PALMD: variants seen among roughly 807,000 people sequenced by gnomAD.
PALMD encodes the protein paralemmin-like protein.
Under a neutral mutation model 56.2 loss-of-function variants are expected in PALMD, and 42 were observed. The ratio of observed to expected loss-of-function variants is 0.75; its 90% CI spans 0.58 to 0.97. The LOEUF (loss-of-function observed/expected upper bound fraction) is 0.97. Among genes scored for constraint, PALMD ranks in the 50% least tolerant of loss-of-function variants. The probability of loss-of-function intolerance (pLI) is 0.00; values close to 1 mark genes in which losing one functional copy is unlikely to be tolerated. For synonymous variants in PALMD, 242 were observed against 222.9 expected (o/e 1.09, Z -0.76); for missense variants, 660 against 643.8 (o/e 1.03, Z -0.27).
intron 1 of PALMD, among the ~76,000 whole-genome samples, chr1:99,657,106 T>A (rs1424270414): frequency 6.6e-6 from 1 of 152,174 alleles, no homozygotes; most frequent in African/African-American, 2.4e-5. Flanking sequence ...TTAGCCTCCT[T>A]TTCTTTTCAT....
chr1:99,679,198 G>A (rs1028708423), intron 3 of PALMD, among the ~76,000 whole-genome samples: 3 of 152,108 alleles, frequency 2.0e-5, no homozygotes, highest in Non-Finnish European at 4.4e-5. Context: ...TCCCTTCAAA[G>A]TATAGATAAG....
intron 3 of PALMD, among the ~76,000 whole-genome samples, chr1:99,680,787 C>T (rs1653323141): frequency 6.6e-6 from 1 of 151,944 alleles, no homozygotes; most frequent in Non-Finnish European, 1.5e-5. Flanking sequence ...CACATACATA[C>T]ACATATATGT....
intron 2 of PALMD, among the ~76,000 whole-genome samples, chr1:99,664,808 C>T (rs1048902701): frequency 6.6e-6 from 1 of 152,172 alleles, no homozygotes; most frequent in Non-Finnish European, 1.5e-5. Context: ...TTCCTGATTG[C>T]AAACTAGTTC....
Position 99,689,807 on chromosome 1 carries a change from C to G in PALMD, c.1547C>G (p.Pro516Arg), listed in dbSNP as rs754262834. The change falls in exon 7 of 8, where the codon CCT (proline) becomes CGT (arginine). Residue 516 changes from proline (P) to arginine (R), a missense_variant. Pro to Arg is a moderately radical substitution (Grantham distance 103, BLOSUM62 -2). Coordinates refer to ENST00000263174, the MANE Select transcript of PALMD (RefSeq NM_017734.5). ...LKEQEESLGS[P>R]VHHSPFDAQT... is the part of the protein sequence containing the mutation. ...GAGCAAGAAGAAAGCTTAGGCAGCC[C>G]TGTCCACCATTCCCCATTTGATGCT... 4.3e-6 allele frequency: 7 copies of G among 1,613,470 alleles called. No homozygotes were observed. Among genetic ancestry groups the G allele is most frequent in the Non-Finnish European group, 5.9e-6 (7 of 1,179,766 alleles).
At chr1:99,658,057 T>C (rs927476094) in intron 1 of PALMD, among the ~76,000 whole-genome samples, 1 of 152,152 alleles carries the variant, frequency 6.6e-6, no homozygotes, top group African/African-American at 2.4e-5. Context: ...TCCCAGCACT[T>C]TGGGAGGCCA....
intron 1 of PALMD, 42 bp downstream of exon 1, chr1:99,646,404 A>G (rs778085585): frequency 6.7e-7 from 1 of 1,496,160 alleles, no homozygotes; most frequent in Non-Finnish European, 9.3e-7. Flanking sequence ...GTTGTTACTT[A>G]GAGGAAGGCA....
At chr1:99,673,777 A>G (rs1247411494) in intron 3 of PALMD, among the ~76,000 whole-genome samples, 2 of 152,144 alleles carry the variant, frequency 1.3e-5, no homozygotes, top group Non-Finnish European at 2.9e-5. Flanking sequence ...ACCCACTCCA[A>G]CCCTCCGAAA....
At chr1:99,675,420 T>C (rs1253661110) in intron 3 of PALMD, among the ~76,000 whole-genome samples, 1 of 152,230 alleles carries the variant, frequency 6.6e-6, no homozygotes, top group Non-Finnish European at 1.5e-5. Flanking sequence ...ACCAGAATCA[T>C]GGATAAGTAT....
intron 3 of PALMD, among the ~76,000 whole-genome samples, chr1:99,673,495 G>GA (rs201167324): frequency 0.011 from 1,598 of 151,516 alleles, 29 homozygotes; most frequent in African/African-American, 0.037. Context: ...AAAAAGAGGC[G>GA]AAAAAAAACT....
intron 3 of PALMD, among the ~76,000 whole-genome samples, chr1:99,676,544 C>A (rs1215238776): frequency 6.6e-6 from 1 of 152,090 alleles, no homozygotes; most frequent in Non-Finnish European, 1.5e-5. Flanking sequence ...ACCCCTCCCA[C>A]CCTCTCACCC....
At chr1:99,688,428 T>C (rs989150524) in intron 6 of PALMD, among the ~76,000 whole-genome samples, 57 of 152,116 alleles carry the variant, frequency 3.7e-4, no homozygotes, top group African/African-American at 1.4e-3. Context: ...CAAAAGAAAG[T>C]ATATCCATCT....
At chr1:99,654,452 C>T (rs566422918) in intron 1 of PALMD, among the ~76,000 whole-genome samples, 1 of 152,128 alleles carries the variant, frequency 6.6e-6, no homozygotes, top group South Asian at 2.1e-4. Flanking sequence ...AGTATTTATG[C>T]CACAAAACTC....
intron 1 of PALMD, among the ~76,000 whole-genome samples, chr1:99,660,278 G>A (rs148424139): frequency 6.0e-4 from 91 of 152,364 alleles, no homozygotes; most frequent in African/African-American, 2.0e-3. Context: ...GAATGGCACA[G>A]TGAATTGGCT....
Position 99,686,936 on chromosome 1 carries a change from A to C in PALMD, c.373A>C (p.Lys125Gln). The C allele has an allele frequency of 6.3e-7, 1 of 1,576,544 alleles. No homozygotes were observed. Among genetic ancestry groups the C allele is most frequent in the African/African-American group, 1.4e-5 (1 of 74,064 alleles). ...GAATTCTTTTTTCTTACAGTCTGTGAAAGTGGAAAGAGAAGAAAGAGCAGA... is the reference window on the plus strand; with the variant it reads ...GAATTCTTTTTTCTTACAGTCTGTGCAAGTGGAAAGAGAAGAAAGAGCAGA... ...RTTEDIIRSVKVEREERAEES... is the reference protein window; with the variant it reads ...RTTEDIIRSVQVEREERAEES... The change falls in exon 5 of 8, where the codon AAA becomes CAA. Residue 125 changes from lysine (K) to glutamine (Q), a missense_variant. Transcript: ENST00000263174.
At chr1:99,672,967 G>C (rs112480943) in intron 3 of PALMD, among the ~76,000 whole-genome samples, 1,598 of 152,100 alleles carry the variant, frequency 0.011, 30 homozygotes, top group African/African-American at 0.037. Context: ...GATACAAATG[G>C]GCAAAGGTGT....
Position 99,651,202 on chromosome 1 carries a change from G to A in PALMD, c.45+4840G>A, listed in dbSNP as rs541249754. ...AGATTACATGTTTCTTCCAGAGAGG[G>A]AAAGGTTTCTTCAAACAAATGTGGT... On this transcript the variant is annotated intron_variant, in intron 1 of 7. Coordinates refer to ENST00000263174, the MANE Select transcript of PALMD (RefSeq NM_017734.5). 9.2e-4 allele frequency among the ~76,000 whole-genome samples: 140 copies of A among 152,306 alleles called. 1 individual carries two copies. Among genetic ancestry groups the A allele is most frequent in the African/African-American group, 3.3e-3 (136 of 41,558 alleles).
chr1:99,658,289 G>A (rs1652770168), intron 1 of PALMD, among the ~76,000 whole-genome samples: 1 of 147,280 alleles, frequency 6.8e-6, no homozygotes, highest in East Asian at 2.0e-4. Context: ...AGATGATGGT[G>A]CAAGACTCTG....
intron 1 of PALMD, 122 bp downstream of exon 1, chr1:99,646,484 C>A (rs1652447135): frequency 3.9e-6 from 3 of 761,822 alleles, no homozygotes; most frequent in South Asian, 1.5e-5. Context: ...CCTTCATGGA[C>A]GAGTCTCTGT....
chr1:99,684,989 T>G (rs1213391523), intron 3 of PALMD: 3 of 152,208 alleles, frequency 2.0e-5, no homozygotes, highest in Non-Finnish European at 4.4e-5. Context: ...GGCTTTCCTT[T>G]GTAGACTGTC....
Sources: allele counts gnomAD v4.1 joint callset (sites outside exome capture counted in the v4.1 genomes callset), GRCh38; gene constraint gnomAD v4.1.1; transcripts MANE v1.5; gene names NCBI Gene and HGNC (gene_info 2026-07-23, HGNC 2026-07-21).